The following PLXNC1 variants were observed in gnomAD, a reference collection of about 807,000 sequenced individuals.
PLXNC1 encodes plexin-C1.
In PLXNC1, 75 loss-of-function variants were observed where a neutral mutation model predicts 178.2. The ratio of observed to expected loss-of-function variants is 0.42; its 90% CI spans 0.35 to 0.51. PLXNC1 has a LOEUF of 0.51. PLXNC1 is among the 20% of genes least tolerant of loss of function. The probability of loss-of-function intolerance (pLI) is 0.02; values close to 1 mark genes in which losing one functional copy is unlikely to be tolerated. For missense variants in PLXNC1, 1,503 were observed against 1,984.4 expected, an observed-to-expected ratio of 0.76 and a Z score of 4.61; for synonymous variants, 790 against 779.9, an observed-to-expected ratio of 1.01 and a Z score of -0.22.
intron 4 of PLXNC1, among the ~76,000 whole-genome samples, chr12:94,187,463 A>G (rs1465265946): frequency 1.3e-5 from 2 of 152,240 alleles, no homozygotes; most frequent in South Asian, 2.1e-4. Flanking sequence ...TCACGGGGGA[A>G]GGCGCAATCC....
chr12:94,283,192 C>T (rs115498648), intron 23 of PLXNC1, among the ~76,000 whole-genome samples: 156 of 152,246 alleles, frequency 1.0e-3, no homozygotes, highest in African/African-American at 3.4e-3. Flanking sequence ...CAACACCTTG[C>T]GTGTAGTAGT....
At chr12:94,279,681 G>A (rs756622837) in intron 22 of PLXNC1, 32 bp downstream of exon 22, 2 of 1,597,054 alleles carry the variant, frequency 1.3e-6, no homozygotes, top group African/African-American at 1.3e-5. Context: ...GTGGTCCCAG[G>A]CCCTGATGAG....
chr12:94,304,014 C>T lies in PLXNC1; in HGVS notation c.4565C>T (p.Thr1522Ile), dbSNP rs893249109. The change falls in exon 30 of 31, where the codon ACA becomes ATA. Residue 1522 changes from threonine to isoleucine, a missense_variant. Thr to Ile is a moderately conservative substitution (Grantham distance 89). Coordinates refer to ENST00000258526, the MANE Select transcript of PLXNC1 (RefSeq NM_005761.3). ...ENEFNEEVAL[T>I]EIYKYIVKYF... The stretch of plus-strand genomic sequence containing the variant: ...GAATTTAATGAAGAAGTGGCCTTGA[C>T]AGAAATTTACAAATACATCGTAAAA... The T allele has an allele frequency of 1.3e-5, 21 of 1,582,906 alleles. 1 individual carries two copies. The highest frequency in any genetic ancestry group is 8.9e-5 in the South Asian group (8 of 90,218).
chr12:94,299,571 T>G (rs57028627), intron 27 of PLXNC1, among the ~76,000 whole-genome samples: 8 of 149,296 alleles, frequency 5.4e-5, no homozygotes, highest in South Asian at 2.1e-4. Flanking sequence ...TAGCCTCTTT[T>G]TTTTTGAGAC....
At chr12:94,295,635 C>T (rs540251616) in intron 24 of PLXNC1, among the ~76,000 whole-genome samples, 10 of 152,258 alleles carry the variant, frequency 6.6e-5, no homozygotes, top group African/African-American at 2.4e-4. Flanking sequence ...TCATCAGCCC[C>T]TCTGTCAAAA....
intron 21 of PLXNC1, among the ~76,000 whole-genome samples, chr12:94,271,822 G>C (rs372461643): frequency 6.6e-6 from 1 of 152,324 alleles, no homozygotes; most frequent in East Asian, 1.9e-4. Context: ...TGTCCCGTCA[G>C]TATTCTTTTT....
intron 1 of PLXNC1, among the ~76,000 whole-genome samples, chr12:94,162,740 G>A (rs1339102724): frequency 9.2e-5 from 14 of 152,076 alleles, no homozygotes; most frequent in Admixed American, 9.2e-4. Context: ...AAGAGTTGAG[G>A]GTGATTAGTG....
At chr12:94,297,452 T>G (rs752580988) in intron 26 of PLXNC1, 29 bp downstream of exon 26, 4 of 1,445,322 alleles carry the variant, frequency 2.8e-6, no homozygotes, top group Non-Finnish European at 2.9e-6. Flanking sequence ...GAGCACTTTA[T>G]GGCTACCTAG....
At chr12:94,231,211 A>G (rs1386246879) in intron 9 of PLXNC1, among the ~76,000 whole-genome samples, 2 of 152,138 alleles carry the variant, frequency 1.3e-5, no homozygotes, top group African/African-American at 4.8e-5. Context: ...TGGAGATGGC[A>G]TTTCAGCCCA....
chr12:94,169,899 GT>G (rs1206742923), intron 2 of PLXNC1, among the ~76,000 whole-genome samples: 1 of 152,174 alleles, frequency 6.6e-6, no homozygotes, highest in Non-Finnish European at 1.5e-5. Context: ...TCAAGTGCAG[GT>G]TTTTATTCAC....
At chr12:94,221,609 C>T (rs1294338623) in intron 6 of PLXNC1, among the ~76,000 whole-genome samples, 2 of 152,150 alleles carry the variant, frequency 1.3e-5, no homozygotes, top group South Asian at 2.1e-4. Context: ...ATATCTTAGT[C>T]CATTCTGGCT....
chr12:94,227,071 C>G, intron 8 of PLXNC1, 78 bp from the exon 9 acceptor site: 1 of 954,782 alleles, frequency 1.0e-6, no homozygotes, highest in East Asian at 2.4e-5. Context: ...CTGCCTGGTC[C>G]TACCTTCTCT....
intron 30 of PLXNC1, 23 bp from the exon 31 acceptor site, chr12:94,305,158 A>G: frequency 1.3e-6 from 2 of 1,487,874 alleles, no homozygotes; most frequent in Middle Eastern, 1.7e-4. Context: ...AATATCTAAA[A>G]TAACTGTTCT....
chr12:94,300,988 C>T lies in PLXNC1; in HGVS notation c.4317C>T (p.Asp1439=), dbSNP rs113780946. 63 of 1,613,788 alleles carry T rather than the reference C, an allele frequency of 3.9e-5. No individual in the cohort carries two copies. Among genetic ancestry groups the T allele is most frequent in the African/African-American group, 2.7e-4 (20 of 75,034 alleles). ...VFDIKKTPHI[D]GCLSVIAQAF... is the part of the protein sequence containing the mutation. The stretch of plus-strand genomic sequence containing the variant: ...ACATTAAGAAGACACCACATATAGA[C>T]GGCTGTTTGTCAGTGATTGCCCAGG... The change falls in exon 28 of 31, where the codon GAC becomes GAT. Residue 1439 remains aspartate (D), a synonymous_variant. Coordinates refer to ENST00000258526, the MANE Select transcript of PLXNC1 (RefSeq NM_005761.3).
intron 9 of PLXNC1, among the ~76,000 whole-genome samples, chr12:94,234,751 A>G (rs1964196111): frequency 6.6e-6 from 1 of 152,232 alleles, no homozygotes; most frequent in African/African-American, 2.4e-5. Context: ...AACTCCCTCT[A>G]AAATGCATAA....
intron 1 of PLXNC1, among the ~76,000 whole-genome samples, chr12:94,162,804 C>A (rs904862101): frequency 6.6e-6 from 1 of 152,108 alleles, no homozygotes; most frequent in Non-Finnish European, 1.5e-5. Context: ...GTCTAGATAA[C>A]CATTTGTCAG....
intron 17 of PLXNC1, among the ~76,000 whole-genome samples, chr12:94,257,864 G>A (rs1372301910): frequency 1.3e-5 from 2 of 151,558 alleles, no homozygotes; most frequent in Admixed American, 6.6e-5. Context: ...CCGAGATAGC[G>A]CCACACTGCA....
Position 94,305,288 on chromosome 12 carries a change from A to T in PLXNC1, c.*3A>T. On this transcript the variant is annotated 3_prime_UTR_variant, in exon 31 of 31. Transcript: ENST00000258526. ...AGAAGAAATGCAAGTGGATGTAAGC[A>T]CTCTGGGGCCTGGCTTAATCTGGCA... 1.3e-6 allele frequency: 2 copies of T among 1,580,870 alleles called. No individual in the cohort carries two copies. The highest frequency in any genetic ancestry group is 1.7e-6 in the Non-Finnish European group (2 of 1,152,828).
intron 2 of PLXNC1, among the ~76,000 whole-genome samples, chr12:94,176,990 A>C (rs927903033): frequency 6.7e-6 from 1 of 149,988 alleles, no homozygotes; most frequent in African/African-American, 2.5e-5. Context: ...TGGAGATTTA[A>C]GTTGTTTTAA....
Sources: allele counts gnomAD v4.1 joint callset (sites outside exome capture counted in the v4.1 genomes callset), GRCh38; gene constraint gnomAD v4.1.1; transcripts MANE v1.5; gene names NCBI Gene and HGNC (gene_info 2026-07-23, HGNC 2026-07-21).